CYP4F2: variants seen among roughly 807,000 people sequenced by gnomAD.
The protein encoded by CYP4F2 is cytochrome P450 family 4 subfamily F member 2.
CYP4F2 carries 58 observed loss-of-function variants against 58.9 expected under a neutral mutation model. That is an observed-to-expected ratio of 0.98 (90% CI 0.80 to 1.23). CYP4F2 has a LOEUF of 1.23. CYP4F2 is among the 50% of genes most tolerant of loss of function. CYP4F2 has a pLI of 0.00. For synonymous variants in CYP4F2, 287 were observed against 261.1 expected, an observed-to-expected ratio of 1.10 and a Z score of -0.95; for missense variants, 616 against 685.6, an observed-to-expected ratio of 0.90 and a Z score of 1.13.
At chr19:15,880,408 C>T (rs2089336817) in intron 9 of CYP4F2, among the ~76,000 whole-genome samples, 1 of 151,990 alleles carries the variant, frequency 6.6e-6, no homozygotes, top group Non-Finnish European at 1.5e-5. Flanking sequence ...GCAGGTGGAT[C>T]ACAACATGAG....
intron 1 of CYP4F2, 110 bp from the exon 2 acceptor site, chr19:15,897,722 G>A (rs1204564806): frequency 2.5e-5 from 34 of 1,354,050 alleles, no homozygotes; most frequent in Non-Finnish European, 5.0e-6. Flanking sequence ...GTAGAGCAGG[G>A]AGGGCTCAGG....
chr19:15,890,594 T>C (rs926489093), intron 5 of CYP4F2, among the ~76,000 whole-genome samples, 161 bp from the exon 6 acceptor site: 2 of 152,270 alleles, frequency 1.3e-5, no homozygotes, highest in East Asian at 3.9e-4. Flanking sequence ...CAAAAGCTGT[T>C]ACTATTAAGA....
At chr19:15,897,333 TC>T in intron 2 of CYP4F2, 80 bp downstream of exon 2, 2 of 1,233,868 alleles carry the variant, frequency 1.6e-6, no homozygotes, top group Non-Finnish European at 2.3e-6. Context: ...GCCCACCCCT[TC>T]ACCCCCACTC....
intron 1 of CYP4F2, 135 bp from the exon 2 acceptor site, chr19:15,897,747 G>C (rs772594863): frequency 4.5e-5 from 50 of 1,106,870 alleles, no homozygotes; most frequent in Non-Finnish European, 4.7e-5. Flanking sequence ...GGTAAAAAGG[G>C]GCTGAGAGGT....
Position 15,886,019 on chromosome 19 carries a change from G to GT in CYP4F2, c.1019_1020insA (p.Leu341ProfsTer26), listed in dbSNP as rs1427517792. 4 of 1,614,066 alleles carry GT rather than the reference G, an allele frequency of 2.5e-6. No homozygotes were observed. In the Admixed American group the frequency reaches 6.7e-5, roughly 27 times the overall value. On this transcript the variant is annotated frameshift_variant, in exon 9 of 13. Transcript: ENST00000221700. LOFTEE classifies it high-confidence loss of function. ...CTGGGTGCTTTGCAAGGTGGTACAG[G>GT]ACCCAGGAGAGACCACTGGCCGTGG...
intron 9 of CYP4F2, among the ~76,000 whole-genome samples, chr19:15,880,261 A>T (rs2089335634): frequency 6.6e-6 from 1 of 152,180 alleles, no homozygotes; most frequent in Admixed American, 6.5e-5. Context: ...TAGTTTTTGC[A>T]GATAAAGGAT....
In CYP4F2 at chr19:15,897,315, A is replaced by T; in HGVS notation, c.198+99T>A. On this transcript the variant is annotated intron_variant, in intron 2 of 12. Transcript: ENST00000221700. ...GCCTCCTCTGCTTCTCTGCCACCCCAGATCCCAGCCCACCCCTTCACCCCC... is the reference window on the plus strand; with the variant it reads ...GCCTCCTCTGCTTCTCTGCCACCCCTGATCCCAGCCCACCCCTTCACCCCC... 11 of 1,104,470 alleles carry T rather than the reference A, an allele frequency of 1.0e-5. 1 individual carries two copies. The South Asian group carries it at 1.5e-4, about 15-fold the overall frequency. 68.4% of individuals were successfully genotyped at this position (1,104,470 alleles called of 1,614,324 possible).
chr19:15,879,497 G>A (rs2089329431), intron 11 of CYP4F2, 69 bp from the exon 12 acceptor site: 16 of 1,607,084 alleles, frequency 1.0e-5, no homozygotes, highest in Admixed American at 5.0e-5. Context: ...GAGACAGACA[G>A]TTGTGTGTGT....
chr19:15,880,021 A>G (rs1296941838), intron 9 of CYP4F2, 124 bp from the exon 10 acceptor site: 1 of 1,561,726 alleles, frequency 6.4e-7, no homozygotes, highest in East Asian at 2.3e-5. Flanking sequence ...AAGAATTGTT[A>G]CAAAGTCGCA....
chr19:15,890,173 T>A, intron 6 of CYP4F2, 139 bp downstream of exon 6: 1 of 1,430,842 alleles, frequency 7.0e-7, no homozygotes. Context: ...AAGATAAAGT[T>A]CATACCAGTC....
rs1250811375 is a variant in CYP4F2, at chr19:15,878,863, C to T, written c.1471G>A (p.Val491Ile). ...CGGGGCTCGGTGTGGTCAGGCAGGA[C>T]GCGGAAGCGCAGCAGCGTGAGCGCC... is the stretch of plus-strand genomic sequence containing the variant. ...VLALTLLRFR[V>I]LPDHTEPRRK... is the part of the protein sequence containing the mutation. Residue 491 changes from valine (V) to isoleucine (I), a missense_variant, in exon 13 of 13, where the codon GTC becomes ATC. By Grantham distance (29) the Val-to-Ile change is conservative. Coordinates refer to ENST00000221700, the MANE Select transcript of CYP4F2 (RefSeq NM_001082.5). The T allele has an allele frequency of 1.9e-6, 3 of 1,614,024 alleles. No homozygotes were observed. The highest frequency in any genetic ancestry group is 2.2e-5 in the East Asian group (1 of 44,852).
chr19:15,897,616 C>A lies in CYP4F2; in HGVS notation c.-1-4G>T. 1 of 1,613,306 alleles carries A rather than the reference C, an allele frequency of 6.2e-7. No individual in the cohort carries two copies. ...GGACAGGCTCAGCTGGGACATCCTG[C>A]AGGGCAGACGGGATGGACGGTGAGA... is the stretch of plus-strand genomic sequence containing the variant. On this transcript the variant is annotated splice_region_variant and splice_polypyrimidine_tract_variant and intron_variant, in intron 1 of 12. Coordinates refer to ENST00000221700, the MANE Select transcript of CYP4F2 (RefSeq NM_001082.5).
chr19:15,882,055 C>T (rs1164369868), intron 9 of CYP4F2, among the ~76,000 whole-genome samples: 1 of 151,878 alleles, frequency 6.6e-6, no homozygotes, highest in Non-Finnish European at 1.5e-5. Context: ...CCAGCCTGTC[C>T]AATATGGTGA....
rs781254717 is a variant in CYP4F2 at position 15,897,603 on chromosome 19, C to T, written c.9G>A (p.Gln3=). The T allele has an allele frequency of 2.2e-5, 35 of 1,613,418 alleles. No individual in the cohort carries two copies. Among genetic ancestry groups the T allele is most frequent in the Non-Finnish European group, 2.9e-5 (34 of 1,179,848 alleles). MS[Q]LSLSWLGLWP... The stretch of plus-strand genomic sequence containing the variant: ...AGAGGCCCAGCCAGGACAGGCTCAG[C>T]TGGGACATCCTGCAGGGCAGACGGG... The change falls in exon 2 of 13, where the codon CAG becomes CAA. Residue 3 remains glutamine, a synonymous_variant. Transcript: ENST00000221700.
At chr19:15,895,362 T>G (rs1057057963) in intron 3 of CYP4F2, 144 bp downstream of exon 3, 1 of 1,151,226 alleles carries the variant, frequency 8.7e-7, no homozygotes, top group Admixed American at 3.1e-5. Flanking sequence ...AGATGGAAAT[T>G]GATGAATACA....
At chr19:15,886,556 T>A (rs775648130) in intron 7 of CYP4F2, 3 of 437,952 alleles carry the variant, frequency 6.9e-6, no homozygotes, top group Non-Finnish European at 1.2e-5. Context: ...CCCATGAATA[T>A]TTTAATGAAA....
chr19:15,895,263 C>T (rs2089440759), intron 3 of CYP4F2, among the ~76,000 whole-genome samples: 3 of 152,170 alleles, frequency 2.0e-5, no homozygotes, highest in Non-Finnish European at 4.4e-5. Context: ...TCCTCCAGGA[C>T]TGGGCCTTGG....
At chr19:15,896,069 T>C (rs11666160) in intron 2 of CYP4F2, among the ~76,000 whole-genome samples, 41,642 of 142,160 alleles carry the variant, frequency 0.29, 6,386 homozygotes, top group Non-Finnish European at 0.35. Flanking sequence ...TCTATCTATC[T>C]ATCCATCCAT....
Position 15,892,522 on chromosome 19 carries a change from TACTC to T in CYP4F2, c.397+3_397+6del. ...TTTCCCAACCCTGTTCACCTGCAGA[TACTC>T]ACCCAGCCAGGGCTCCAGGAAGCTG... is the stretch of plus-strand genomic sequence containing the variant. On this transcript the variant is annotated splice_donor_5th_base_variant and intron_variant, in intron 4 of 12. Coordinates refer to ENST00000221700, the MANE Select transcript of CYP4F2 (RefSeq NM_001082.5). The T allele has an allele frequency of 1.2e-6, 2 of 1,614,092 alleles. No individual in the cohort carries two copies. The highest frequency in any genetic ancestry group is 1.1e-5 in the South Asian group (1 of 91,066).
Sources: allele counts gnomAD v4.1 joint callset (sites outside exome capture counted in the v4.1 genomes callset), GRCh38; gene constraint gnomAD v4.1.1; transcripts MANE v1.5; gene names NCBI Gene and HGNC (gene_info 2026-07-23, HGNC 2026-07-21).